SLC22A14: variants seen among roughly 807,000 people sequenced by gnomAD.
SLC22A14 encodes organic cation transporter-like 4.
In SLC22A14, 50 loss-of-function variants were observed where a neutral mutation model predicts 53.9. The ratio of observed to expected loss-of-function variants is 0.93; its 90% CI spans 0.74 to 1.17. The LOEUF (loss-of-function observed/expected upper bound fraction) is 1.17. SLC22A14 is among the 50% of genes most tolerant of loss of function. The pLI, the probability that SLC22A14 is intolerant of heterozygous loss-of-function variation, is 0.00. For synonymous variants in SLC22A14, 312 were observed against 303.0 expected, an observed-to-expected ratio of 1.03 and a Z score of -0.31; for missense variants, 671 against 734.7, an observed-to-expected ratio of 0.91 and a Z score of 1.00.
In SLC22A14 at chr3:38,308,988, T is replaced by C. The variant is rs818819; in HGVS notation, c.810T>C (p.His270=). Residue 270 remains histidine (H), a synonymous_variant, in exon 5 of 11, where the codon CAT becomes CAC. Coordinates refer to ENST00000448498, the MANE Select transcript of SLC22A14 (RefSeq NM_001320033.2). The part of the protein sequence containing the change: ...TEWLVGEHRA[H]AIILGHCFFA... ...GGTTAGTGGGTGAGCACCGGGCCCA[T>C]GCCATTATCCTGGGACACTGCTTTT... The C allele has an allele frequency of 0.87, 1,402,399 of 1,613,568 alleles. 610,386 individuals carry two copies. The highest frequency in any genetic ancestry group is 0.88 in the Non-Finnish European group (1,041,908 of 1,179,544).
At chr3:38,304,309 A>G (rs898484797) in intron 1 of SLC22A14, among the ~76,000 whole-genome samples, 1 of 152,126 alleles carries the variant, frequency 6.6e-6, no homozygotes, top group African/African-American at 2.4e-5. Context: ...TTTGCTGGGT[A>G]TACAATTCTA....
Position 38,307,362 on chromosome 3 carries a change from G to A in SLC22A14, c.620+5G>A. The A allele has an allele frequency of 6.2e-7, 1 of 1,606,940 alleles. No individual in the cohort carries two copies. Among genetic ancestry groups the A allele is most frequent in the Non-Finnish European group, 8.5e-7 (1 of 1,173,386 alleles). On this transcript the variant is annotated splice_donor_5th_base_variant and intron_variant, in intron 3 of 10. Coordinates refer to ENST00000448498, the MANE Select transcript of SLC22A14 (RefSeq NM_001320033.2). This position sits in a 1 kb window ranked among gnomAD's most constrained non-coding sequence, Gnocchi z 4.4. ...CTTCAGGCTCATAACTGACAAGTGAGTCCCCGGGAGTTTCTGCTGGTCCCC... is the reference window on the plus strand; with the variant it reads ...CTTCAGGCTCATAACTGACAAGTGAATCCCCGGGAGTTTCTGCTGGTCCCC...
chr3:38,285,998 C>T (rs1266424107), intron 1 of SLC22A14, among the ~76,000 whole-genome samples: 6 of 152,218 alleles, frequency 3.9e-5, no homozygotes, highest in Non-Finnish European at 7.4e-5. Context: ...TGTGGGAGGC[C>T]GAGGTGGGCA....
chr3:38,280,707 G>A (rs911349893), upstream of SLC22A14, among the ~76,000 whole-genome samples: 2 of 150,628 alleles, frequency 1.3e-5, no homozygotes, highest in South Asian at 2.1e-4. Context: ...TCTGCTCACC[G>A]CAACTTCTGC....
chr3:38,293,758 A>G (rs111615378), intron 1 of SLC22A14, among the ~76,000 whole-genome samples: 9,755 of 152,182 alleles, frequency 0.064, 346 homozygotes, highest in East Asian at 0.16. Context: ...CTGTGTCCCA[A>G]TGAGGGTCTA....
chr3:38,306,454 C>T lies in SLC22A14; in HGVS notation c.428C>T (p.Ser143Phe), dbSNP rs551829797. 8.4e-5 allele frequency: 135 copies of T among 1,614,106 alleles called. 2 individuals carry two copies. The South Asian group carries it at 1.5e-3, about 17-fold the overall frequency. Residue 143 changes from serine to phenylalanine, a missense_variant, in exon 2 of 11, where the codon TCT becomes TTT. Ser to Phe is a radical substitution (Grantham distance 155, BLOSUM62 -2). Coordinates refer to ENST00000448498, the MANE Select transcript of SLC22A14 (RefSeq NM_001320033.2). ...CTTCCTGTGCCTTGGAATCTGGATT[C>T]TATCATCCAGTTTGGCCTCAATGAC... The part of the protein sequence containing the change: ...MYLPVPWNLD[S>F]IIQFGLNDTD...
chr3:38,306,163 C>T lies in SLC22A14; in HGVS notation c.137C>T (p.Thr46Ile). ...MLLRRLRAVH[T>I]KQDDKFANLL... ...TTACGCAGATTGAGGGCTGTCCACA[C>T]CAAGCAGGATGACAAGTTTGCCAAC... Residue 46 changes from threonine (T) to isoleucine (I), a missense_variant, in exon 2 of 11, where the codon ACC becomes ATC. By Grantham distance (89) the Thr-to-Ile change is moderately conservative. Transcript: ENST00000448498. 1 of 1,614,178 alleles carries T rather than the reference C, an allele frequency of 6.2e-7. No homozygotes were observed. The highest frequency in any genetic ancestry group is 8.5e-7 in the Non-Finnish European group (1 of 1,180,028).
Position 38,313,960 on chromosome 3 carries a change from C to A in SLC22A14, c.1378+19C>A. 6.2e-7 allele frequency: 1 copy of A among 1,603,318 alleles called. No homozygotes were observed. Among genetic ancestry groups the A allele is most frequent in the Non-Finnish European group, 8.5e-7 (1 of 1,171,374 alleles). ...CCTGAAGGTACAGCTCATCCTTCCCCTGTGGCCTGCCCACAGCCTTCCTGC... is the reference window on the plus strand; with the variant it reads ...CCTGAAGGTACAGCTCATCCTTCCCATGTGGCCTGCCCACAGCCTTCCTGC... On this transcript the variant is annotated intron_variant, in intron 8 of 10. Transcript: ENST00000448498.
At chr3:38,296,018 A>G (rs1704028911) in intron 1 of SLC22A14, among the ~76,000 whole-genome samples, 1 of 152,192 alleles carries the variant, frequency 6.6e-6, no homozygotes, top group South Asian at 2.1e-4. Context: ...CTTTGGAGAT[A>G]CAACTTGCTA....
Position 38,316,520 on chromosome 3 carries a change from A to T in SLC22A14, c.1729A>T (p.Ile577Leu). The T allele has an allele frequency of 6.2e-7, 1 of 1,613,880 alleles. No individual in the cohort carries two copies. Among genetic ancestry groups the T allele is most frequent in the Non-Finnish European group, 8.5e-7 (1 of 1,179,922 alleles). ...LSESLNHSSQ[I>L]RNKVKDMKTK... ...CGAGAGCCTGAACCACTCCTCACAG[A>T]TAAGGTAGGTGTGGGAGCCTCCTGG... Residue 577 changes from isoleucine to leucine, a missense_variant, in exon 10 of 11, where the codon ATA (isoleucine) becomes TTA (leucine). Physicochemically the swap from Ile to Leu is conservative, Grantham distance 5 (BLOSUM62 2). Transcript: ENST00000448498.
At chr3:38,282,973 C>T (rs750986226) in intron 1 of SLC22A14, among the ~76,000 whole-genome samples, 2 of 152,130 alleles carry the variant, frequency 1.3e-5, no homozygotes, top group Non-Finnish European at 2.9e-5. Flanking sequence ...GTCAGAAGAA[C>T]AAATGGGCCT....
At chr3:38,316,593 T>G in intron 10 of SLC22A14, 69 bp downstream of exon 10, 2 of 1,387,478 alleles carry the variant, frequency 1.4e-6, no homozygotes, top group Non-Finnish European at 2.0e-6. Context: ...ACAGAGAGCG[T>G]GCGGGACATT....
chr3:38,295,308 G>A (rs1193277185), intron 1 of SLC22A14, among the ~76,000 whole-genome samples: 1 of 152,332 alleles, frequency 6.6e-6, no homozygotes, highest in African/African-American at 2.4e-5. Context: ...GAGTTAGTAA[G>A]CTACCTTTTT....
At chr3:38,301,185 T>C (rs1704152259) in intron 1 of SLC22A14, among the ~76,000 whole-genome samples, 1 of 152,200 alleles carries the variant, frequency 6.6e-6, no homozygotes, top group African/African-American at 2.4e-5. Context: ...AGCCAAAGAC[T>C]AATCACTCAA....
At chr3:38,279,391 C>G (rs1703622167), upstream of SLC22A14, among the ~76,000 whole-genome samples, 2 of 152,180 alleles carry the variant, frequency 1.3e-5, no homozygotes, top group South Asian at 4.1e-4. Flanking sequence ...CACTTGCTCC[C>G]TTTAAGACGG....
At chr3:38,296,216 C>T (rs996494347) in intron 1 of SLC22A14, among the ~76,000 whole-genome samples, 16 of 152,216 alleles carry the variant, frequency 1.1e-4, no homozygotes, top group African/African-American at 3.9e-4. Context: ...CTGGCTGTGC[C>T]ATGATCTCAA....
chr3:38,311,917 C>T (rs951779254), intron 5 of SLC22A14, among the ~76,000 whole-genome samples: 1 of 152,082 alleles, frequency 6.6e-6, no homozygotes, highest in Non-Finnish European at 1.5e-5. Flanking sequence ...CCTGTTTTTT[C>T]AGTGGACATG....
At chr3:38,285,987 CTG>C (rs1278286684) in intron 1 of SLC22A14, among the ~76,000 whole-genome samples, 1 of 152,200 alleles carries the variant, frequency 6.6e-6, no homozygotes, top group African/African-American at 2.4e-5. Flanking sequence ...AATCCCAGCA[CTG>C]TGGGAGGCCG....
At chr3:38,280,843 T>C (rs1300821903), upstream of SLC22A14, among the ~76,000 whole-genome samples, 1 of 152,258 alleles carries the variant, frequency 6.6e-6, no homozygotes. Flanking sequence ...TTGGCCAGGC[T>C]GGTCTTGAAC....
Sources: gnomAD v4.1 joint callset for allele counts (sites outside exome capture counted in the v4.1 genomes callset) on GRCh38, gnomAD v4.1.1 for gene constraint, Gnocchi (gnomAD v3.1) non-coding constraint, MANE v1.5 for transcripts, NCBI Gene and HGNC (gene_info 2026-07-23, HGNC 2026-07-21) for gene names.